Variants in AS3MT observed in about 807,000 individuals in gnomAD.
AS3MT encodes S-adenosyl-L-methionine:arsenic(III) methyltransferase.
Under a neutral mutation model 45.3 loss-of-function variants are expected in AS3MT, and 47 were observed. The observed-to-expected ratio is 1.04, with a 90% CI of 0.82 to 1.32. The LOEUF (loss-of-function observed/expected upper bound fraction) is 1.32, where lower values mean the gene tolerates loss of function less well. Among genes scored for constraint, AS3MT ranks in the 40% most tolerant of loss-of-function variants. AS3MT has a pLI of 0.00. For missense variants in AS3MT, 396 were observed against 451.1 expected (o/e 0.88, Z 1.11); for synonymous variants, 141 against 152.8 (o/e 0.92, Z 0.57).
At chr10:102,871,546 CAA>C (rs748797211) in intron 3 of AS3MT, among the ~76,000 whole-genome samples, 4 of 23,284 alleles carry the variant, frequency 1.7e-4, no homozygotes, top group African/African-American at 4.2e-4. Context: ...GACTCCGTCT[CAA>C]AAAAAAAAAA....
At chr10:102,892,690 A>T (rs1054779739) in intron 10 of AS3MT, among the ~76,000 whole-genome samples, 1 of 152,094 alleles carries the variant, frequency 6.6e-6, no homozygotes, top group African/African-American at 2.4e-5. Flanking sequence ...AAAATTTTAG[A>T]ACAGGCCAGG....
At chr10:102,872,390 T>G in intron 3 of AS3MT, 58 bp from the exon 4 acceptor site, 1 of 1,569,742 alleles carries the variant, frequency 6.4e-7, no homozygotes, top group East Asian at 2.2e-5. Flanking sequence ...TGTATAAGAT[T>G]TAGTGGTTTC....
rs868558587 is a variant in AS3MT at position 102,874,650 on chromosome 10, CG to C, written c.520del (p.Val174CysfsTer2). 5.0e-6 allele frequency: 8 copies of C among 1,607,886 alleles called. No homozygotes were observed. The highest frequency in any genetic ancestry group is 1.3e-5 in the African/African-American group (1 of 74,694). ...ACAACAAGTGCTTCAGGAGGCATATCGGGTGCTGAAGGTGAGGAGGAGAGTG... is the reference window on the plus strand; with the variant it reads ...ACAACAAGTGCTTCAGGAGGCATATCGGTGCTGAAGGTGAGGAGGAGAGTG... Reference protein sequence around the residue: ...DKQQVLQEAYRVLKHGGELYF... With the variant: ...DKQQVLQEAYXVLKHGGELYF... On this transcript the variant is annotated frameshift_variant, in exon 6 of 11. Transcript: ENST00000369880. LOFTEE classifies it high-confidence loss of function.
chr10:102,891,367 C>T (rs1743991555), intron 10 of AS3MT, among the ~76,000 whole-genome samples: 1 of 152,178 alleles, frequency 6.6e-6, no homozygotes, highest in East Asian at 1.9e-4. Flanking sequence ...ACAAGTTCTC[C>T]AAAATTCAGA....
At chr10:102,880,531 A>G (rs1844855829) in intron 9 of AS3MT, among the ~76,000 whole-genome samples, 2 of 152,176 alleles carry the variant, frequency 1.3e-5, no homozygotes, top group Admixed American at 1.3e-4. Flanking sequence ...GAATTTCAAC[A>G]TTAGAATTCT....
intron 5 of AS3MT, 123 bp from the exon 6 acceptor site, chr10:102,874,469 G>C: frequency 1.5e-6 from 1 of 664,626 alleles, no homozygotes; most frequent in Non-Finnish European, 2.7e-6. Flanking sequence ...AAAGAGAGGA[G>C]GGAGGCGGTA....
At chr10:102,886,466 A>T (rs1844959029) in intron 9 of AS3MT, among the ~76,000 whole-genome samples, 1 of 151,918 alleles carries the variant, frequency 6.6e-6, no homozygotes, top group Non-Finnish European at 1.5e-5. Flanking sequence ...CTGGGATTAC[A>T]GGCATGCACC....
At chr10:102,874,209 C>T (rs536166774) in intron 5 of AS3MT, among the ~76,000 whole-genome samples, 6 of 151,150 alleles carry the variant, frequency 4.0e-5, no homozygotes, top group South Asian at 2.1e-4. Flanking sequence ...GCCGAGATTG[C>T]GCCATTGTAC....
rs1476071648 is a variant in AS3MT, at chr10:102,873,374, G to A, written c.458+141G>A. On this transcript the variant is annotated intron_variant, in intron 5 of 10. Coordinates refer to ENST00000369880, the MANE Select transcript of AS3MT (RefSeq NM_020682.4). ...CAGCTCACGATAACCTCTGCCTCCCGGGTTCAACTGATTCTCTTGCCTCAG... is the reference window on the plus strand; with the variant it reads ...CAGCTCACGATAACCTCTGCCTCCCAGGTTCAACTGATTCTCTTGCCTCAG... The A allele has an allele frequency of 9.1e-6, 5 of 550,090 alleles. No homozygotes were observed. In the African/African-American group the frequency reaches 9.8e-5, roughly 11 times the overall value. 34.1% of individuals were successfully genotyped at this position (550,090 alleles called of 1,614,324 possible).
In AS3MT at chr10:102,872,356, A is replaced by C. The variant is rs1440499542; in HGVS notation, c.171-92A>C. ...AAAGAAGGAAGGAAGGAAGGAACGG[A>C]GGGAGGGAGGGAGGAGGGAAGTATG... On this transcript the variant is annotated intron_variant, in intron 3 of 10. Coordinates refer to ENST00000369880, the MANE Select transcript of AS3MT (RefSeq NM_020682.4). The C allele has an allele frequency of 3.2e-6, 4 of 1,246,954 alleles. No individual in the cohort carries two copies. The East Asian group carries it at 9.7e-5, about 30-fold the overall frequency. The allele number at this position is 1,246,954 out of a possible 1,614,324, so 77.2% of individuals were successfully genotyped here. A position where few individuals can be genotyped will look rare whatever the true frequency, so the allele number is the denominator to read the frequency against.
At chr10:102,882,235 G>A (rs979923804) in intron 9 of AS3MT, among the ~76,000 whole-genome samples, 4 of 151,508 alleles carry the variant, frequency 2.6e-5, no homozygotes, top group Non-Finnish European at 5.9e-5. Flanking sequence ...CACCACTCCC[G>A]GCCAAGACAG....
chr10:102,899,699 G>A (rs551915827), intron 10 of AS3MT, among the ~76,000 whole-genome samples: 15 of 143,924 alleles, frequency 1.0e-4, no homozygotes, highest in Admixed American at 8.0e-4. Flanking sequence ...ATGGAGTCTC[G>A]CTCTGTCACC....
At chr10:102,882,418 C>A (rs1412526119) in intron 9 of AS3MT, among the ~76,000 whole-genome samples, 3 of 149,560 alleles carry the variant, frequency 2.0e-5, no homozygotes, top group African/African-American at 4.9e-5. Context: ...GTATTTATTT[C>A]TTTATTTAGA....
At position 102,889,488 on chromosome 10, in the gene AS3MT, G is replaced by C. The variant is rs189838921; in HGVS notation, c.886-1056G>C. 5.3e-5 allele frequency among the ~76,000 whole-genome samples: 8 copies of C among 152,218 alleles called. No homozygotes were observed. The East Asian group carries it at 1.4e-3, about 26-fold the overall frequency. ...TTTCCTCATCCATTCATCCATTGCT[G>C]GATGCTTAGGTTGATTCCATATCTT... is the stretch of plus-strand genomic sequence containing the variant. On this transcript the variant is annotated intron_variant, in intron 9 of 10. Transcript: ENST00000369880.
intron 10 of AS3MT, 121 bp downstream of exon 10, chr10:102,890,799 C>G: frequency 1.1e-6 from 1 of 891,688 alleles, no homozygotes; most frequent in Non-Finnish European, 1.6e-6. Context: ...CAACCTCCGC[C>G]TCCTGGGTTC....
intron 9 of AS3MT, among the ~76,000 whole-genome samples, chr10:102,888,881 A>ATT (rs869038434): frequency 3.2e-4 from 17 of 52,514 alleles, no homozygotes; most frequent in African/African-American, 7.0e-4. Context: ...ATATATATAT[A>ATT]TTTTTTTTTT....
intron 10 of AS3MT, among the ~76,000 whole-genome samples, chr10:102,897,654 C>T (rs1046235899): frequency 2.0e-5 from 3 of 152,004 alleles, no homozygotes; most frequent in African/African-American, 4.8e-5. Context: ...TTAATAGAGA[C>T]GGGGTTTCAC....
intron 7 of AS3MT, among the ~76,000 whole-genome samples, chr10:102,878,008 C>T (rs1844814291): frequency 1.3e-5 from 2 of 152,068 alleles, no homozygotes; most frequent in Admixed American, 6.6e-5. Context: ...ACCTCGGCCT[C>T]CCAAAGTGCT....
At chr10:102,883,497 G>T (rs1844899594) in intron 9 of AS3MT, among the ~76,000 whole-genome samples, 1 of 152,098 alleles carries the variant, frequency 6.6e-6, no homozygotes, top group Middle Eastern at 3.4e-3. Flanking sequence ...TGGATTACCT[G>T]AGGTCAGGAG....
Sources: gnomAD v4.1 joint callset for allele counts (sites outside exome capture counted in the v4.1 genomes callset) on GRCh38, gnomAD v4.1.1 for gene constraint, MANE v1.5 for transcripts, NCBI Gene and HGNC (gene_info 2026-07-23, HGNC 2026-07-21) for gene names.